Variants in POP1 observed in about 807,000 individuals in gnomAD.
POP1 encodes POP1 ribonuclease P/MRP subunit.
Under a neutral mutation model 102.2 loss-of-function variants are expected in POP1, and 75 were observed. The ratio of observed to expected loss-of-function variants is 0.73; its 90% CI spans 0.61 to 0.89. The LOEUF (loss-of-function observed/expected upper bound fraction) is 0.89. Ranked by LOEUF, POP1 falls within the 40% of genes least tolerant of loss-of-function variation. The probability of loss-of-function intolerance (pLI) is 0.00; values close to 1 mark genes in which losing one functional copy is unlikely to be tolerated. For missense variants in POP1, 1,116 were observed against 1,267.4 expected, an observed-to-expected ratio of 0.88 and a Z score of 1.81; for synonymous variants, 436 against 464.1, an observed-to-expected ratio of 0.94 and a Z score of 0.78.
intron 11 of POP1, among the ~76,000 whole-genome samples, chr8:98,143,549 T>A (rs1816763650): frequency 6.6e-6 from 1 of 152,088 alleles, no homozygotes; most frequent in South Asian, 2.1e-4. Context: ...TGTATTAGGG[T>A]TCACTCTTGG....
rs369868789 is a variant in POP1, at chr8:98,150,465, C to G, written c.1903-20C>G. ...CTTTAAGTTGGTAGACTGACAGTAT[C>G]TTTTTGACATTTCTTTTAGATTTAT... On this transcript the variant is annotated intron_variant, in intron 13 of 15. Transcript: ENST00000401707. 30 of 1,613,426 alleles carry G rather than the reference C, an allele frequency of 1.9e-5. No homozygotes were observed. Among genetic ancestry groups the G allele is most frequent in the Non-Finnish European group, 2.2e-5 (26 of 1,179,922 alleles).
chr8:98,125,177 CAG>C (rs1342101399), intron 2 of POP1, among the ~76,000 whole-genome samples: 1 of 144,270 alleles, frequency 6.9e-6, no homozygotes, highest in Non-Finnish European at 1.5e-5. Context: ...AATTTACAGA[CAG>C]TTTTTTTTTT....
rs1458341384 is a variant in POP1, at chr8:98,158,930, A to G, written c.*659A>G. 1 of 152,104 alleles carries G rather than the reference A, an allele frequency of 6.6e-6. No individual in the cohort carries two copies. The highest frequency in any genetic ancestry group is 2.4e-5 in the African/African-American group (1 of 41,424). The allele number at this position is 152,104 out of a possible 1,614,324, so 9.4% of individuals were successfully genotyped here. A position where few individuals can be genotyped will look rare whatever the true frequency, so the allele number is the denominator to read the frequency against. On this transcript the variant is annotated 3_prime_UTR_variant, in exon 16 of 16. Coordinates refer to ENST00000401707, the MANE Select transcript of POP1 (RefSeq NM_001145860.2). ...TTGTTGTTGACCAACACTTGATCCT[A>G]CTAGTTACTTAATTTTTTTAAGTAA...
At chr8:98,129,936 A>G in intron 4 of POP1, 42 bp from the exon 5 acceptor site, 1 of 1,608,994 alleles carries the variant, frequency 6.2e-7, no homozygotes, top group Non-Finnish European at 8.5e-7. Flanking sequence ...CTGTTTTGAG[A>G]TTCTTACAAA....
Position 98,150,552 on chromosome 8 carries a change from C to CT in POP1, c.1971dup (p.Asn658Ter), listed in dbSNP as rs749425986. ...GTGCATTCTCAGTATAAGAGGTCGC[C>CT]TAATGTCCCAGGCGATTTTCCAGAC... On this transcript the variant is annotated frameshift_variant, in exon 14 of 16. Coordinates refer to ENST00000401707, the MANE Select transcript of POP1 (RefSeq NM_001145860.2). LOFTEE classifies it high-confidence loss of function. 1.9e-6 allele frequency: 3 copies of CT among 1,614,172 alleles called. No homozygotes were observed. Among genetic ancestry groups the CT allele is most frequent in the Non-Finnish European group, 2.5e-6 (3 of 1,180,032 alleles).
Position 98,123,401 on chromosome 8 carries a change from CTG to C in POP1, c.66_67del (p.Ser23LeufsTer6). ...KMRNQPTNVT[L>X]SSGFVADRGV... ...GAGAAACCAGCCTACCAATGTGACT[CTG>C]TCCTCTGGCTTTGTGGCTGACAGAG... is the stretch of plus-strand genomic sequence containing the variant. On this transcript the variant is annotated frameshift_variant, in exon 2 of 16. Coordinates refer to ENST00000401707, the MANE Select transcript of POP1 (RefSeq NM_001145860.2). LOFTEE classifies it high-confidence loss of function. The C allele has an allele frequency of 6.2e-7, 1 of 1,614,148 alleles. No homozygotes were observed. Among genetic ancestry groups the C allele is most frequent in the Non-Finnish European group, 8.5e-7 (1 of 1,180,000 alleles).
intron 11 of POP1, among the ~76,000 whole-genome samples, chr8:98,144,703 A>G (rs1225820456): frequency 6.6e-6 from 1 of 152,082 alleles, no homozygotes; most frequent in Non-Finnish European, 1.5e-5. Context: ...TGTTCCCGAA[A>G]TCCGTGGCAG....
chr8:98,154,936 A>G (rs1240297680), intron 14 of POP1, among the ~76,000 whole-genome samples: 1 of 152,240 alleles, frequency 6.6e-6, no homozygotes, highest in Non-Finnish European at 1.5e-5. Context: ...GTATGCTGCT[A>G]TTTGTATAAA....
At chr8:98,149,607 A>G (rs1809463952) in intron 13 of POP1, among the ~76,000 whole-genome samples, 1 of 151,712 alleles carries the variant, frequency 6.6e-6, no homozygotes, top group Admixed American at 6.6e-5. Flanking sequence ...AAATACAAAA[A>G]CTAGCTGGGT....
In POP1 at chr8:98,121,782, A is replaced by G. The variant is rs534719202; in HGVS notation, c.-2-1554A>G. On this transcript the variant is annotated intron_variant, in intron 1 of 15. Coordinates refer to ENST00000401707, the MANE Select transcript of POP1 (RefSeq NM_001145860.2). ...ACTGTAAGCTCCACCTTCTGGGTTC[A>G]CACCATTCTCCTGCCTCAGCCTCCT... Among the ~76,000 whole-genome samples the G allele has an allele frequency of 2.0e-3, 306 of 151,134 alleles. 1 individual carries two copies. The highest frequency in any genetic ancestry group is 0.017 in the South Asian group (83 of 4,788).
chr8:98,123,072 A>C (rs1816081285), intron 1 of POP1, among the ~76,000 whole-genome samples: 1 of 152,216 alleles, frequency 6.6e-6, no homozygotes, highest in African/African-American at 2.4e-5. Flanking sequence ...TTCATCTAAT[A>C]ATCAAGGTAA....
chr8:98,137,713 G>A (rs1176169684), intron 9 of POP1, among the ~76,000 whole-genome samples: 1 of 152,224 alleles, frequency 6.6e-6, no homozygotes, highest in Non-Finnish European at 1.5e-5. Context: ...CAGTACGACA[G>A]CCATTAGCCA....
In POP1 at chr8:98,134,527, G is replaced by T; in HGVS notation, c.879G>T (p.Val293=). 1 of 1,614,190 alleles carries T rather than the reference G, an allele frequency of 6.2e-7. No individual in the cohort carries two copies. The highest frequency in any genetic ancestry group is 8.5e-7 in the Non-Finnish European group (1 of 1,180,022). The change falls in exon 7 of 16, where the codon GTG becomes GTT. Residue 293 remains valine, a synonymous_variant. Coordinates refer to ENST00000401707, the MANE Select transcript of POP1 (RefSeq NM_001145860.2). ...CTGGAAAGCGCCAAGGGAGCCTTGT[G>T]CTTTATCGGGTGAATAAATATCCCA... The part of the protein sequence containing the change: ...CLSGKRQGSL[V]LYRVNKYPRE...
intron 2 of POP1, among the ~76,000 whole-genome samples, chr8:98,123,691 C>T (rs749026305): frequency 1.3e-5 from 2 of 151,426 alleles, no homozygotes; most frequent in Non-Finnish European, 2.9e-5. Context: ...GCAGGAGAAT[C>T]GCTTGAACCT....
chr8:98,140,214 T>C, intron 10 of POP1, 25 bp downstream of exon 10: 2 of 1,604,468 alleles, frequency 1.2e-6, no homozygotes, highest in South Asian at 1.1e-5. Flanking sequence ...GACTGGGTTG[T>C]GTTGGGGAGG....
intron 14 of POP1, among the ~76,000 whole-genome samples, chr8:98,152,573 A>G (rs62522208): frequency 0.13 from 19,332 of 152,220 alleles, 1,329 homozygotes; most frequent in Middle Eastern, 0.26. Context: ...ATTTCATATA[A>G]TTTTCATGTG....
chr8:98,139,237 T>C (rs1187260469), intron 9 of POP1, among the ~76,000 whole-genome samples: 1 of 152,196 alleles, frequency 6.6e-6, no homozygotes, highest in Non-Finnish European at 1.5e-5. Flanking sequence ...CTTCTTGCCA[T>C]GCATGTGATA....
chr8:98,155,906 C>T (rs1809631619), intron 14 of POP1, 144 bp from the exon 15 acceptor site: 1 of 656,124 alleles, frequency 1.5e-6, no homozygotes, highest in African/African-American at 2.5e-5. Context: ...TCTTGGAAAG[C>T]TTTTGTGTGT....
Position 98,123,377 on chromosome 8 carries a change from A to C in POP1, c.40A>C (p.Arg14=). The change falls in exon 2 of 16, where the codon AGA becomes CGA. Residue 14 remains arginine, a synonymous_variant. Transcript: ENST00000401707. ...AKERKHAKKM[R]NQPTNVTLSS... ...AGAAAGAAAACACGCCAAGAAAATG[A>C]GAAACCAGCCTACCAATGTGACTCT... The C allele has an allele frequency of 6.2e-7, 1 of 1,614,128 alleles. No individual in the cohort carries two copies. Among genetic ancestry groups the C allele is most frequent in the Admixed American group, 1.7e-5 (1 of 60,028 alleles).
Sources: allele counts gnomAD v4.1 joint callset (sites outside exome capture counted in the v4.1 genomes callset), GRCh38; gene constraint gnomAD v4.1.1; transcripts MANE v1.5; gene names NCBI Gene and HGNC (gene_info 2026-07-23, HGNC 2026-07-21).